MCPH1: variants seen among roughly 807,000 people sequenced by gnomAD.
The protein encoded by MCPH1 is microcephalin.
A neutral mutation model predicts 84.5 loss-of-function variants in MCPH1; 104 were observed. That is an observed-to-expected ratio of 1.23 (90% CI 1.05 to 1.45). The LOEUF is 1.45. Ranked by LOEUF, MCPH1 falls within the 40% of genes most tolerant of loss-of-function variation. MCPH1 has a pLI of 0.00. For synonymous variants in MCPH1, 514 were observed against 366.8 expected (o/e 1.40, Z -4.58); for missense variants, 1,498 against 1,005.7 (o/e 1.49, Z -6.62).
At chr8:6,420,502 T>A (rs184454338) in intron 3 of MCPH1, among the ~76,000 whole-genome samples, 1 of 152,340 alleles carries the variant, frequency 6.6e-6, no homozygotes. Flanking sequence ...GTCTTTTATT[T>A]AAGTTTCTTT....
At chr8:6,630,781 T>TAAA (rs1235237864) in intron 13 of MCPH1, among the ~76,000 whole-genome samples, 3 of 58,318 alleles carry the variant, frequency 5.1e-5, no homozygotes, top group African/African-American at 2.0e-4. Flanking sequence ...AACTCTGTCC[T>TAAA]AAAAAAAAAA....
intron 12 of MCPH1, among the ~76,000 whole-genome samples, chr8:6,603,913 T>C (rs1428743908): frequency 6.6e-6 from 1 of 152,144 alleles, no homozygotes; most frequent in Non-Finnish European, 1.5e-5. Flanking sequence ...GATTTGCAAG[T>C]CAGTTTCAAA....
At chr8:6,524,819 G>A (rs1407069856) in intron 12 of MCPH1, among the ~76,000 whole-genome samples, 1 of 152,188 alleles carries the variant, frequency 6.6e-6, no homozygotes, top group Non-Finnish European at 1.5e-5. Flanking sequence ...TGAAGATCAT[G>A]GTTTCACTGA....
chr8:6,591,218 C>T (rs1376063452), intron 12 of MCPH1, among the ~76,000 whole-genome samples: 1 of 152,256 alleles, frequency 6.6e-6, no homozygotes, highest in Non-Finnish European at 1.5e-5. Flanking sequence ...CTTCCTATCG[C>T]ATTTTGACAC....
At chr8:6,546,822 T>G (rs1822663806) in intron 12 of MCPH1, among the ~76,000 whole-genome samples, 1 of 152,212 alleles carries the variant, frequency 6.6e-6, no homozygotes, top group Non-Finnish European at 1.5e-5. Context: ...ATCTCTATGA[T>G]TTGATATGTT....
intron 12 of MCPH1, among the ~76,000 whole-genome samples, chr8:6,504,901 G>A (rs968696716): frequency 1.2e-4 from 18 of 151,844 alleles, no homozygotes; most frequent in Non-Finnish European, 2.2e-4. Flanking sequence ...TTTCCCCTAA[G>A]GATAAGGGAG....
chr8:6,549,865 T>C (rs757661434), intron 12 of MCPH1, among the ~76,000 whole-genome samples: 30 of 152,306 alleles, frequency 2.0e-4, no homozygotes, highest in Non-Finnish European at 3.8e-4. Context: ...TTATTCTGTG[T>C]AAGTTATATC....
intron 11 of MCPH1, among the ~76,000 whole-genome samples, chr8:6,485,595 C>CT (rs201393340): frequency 0.015 from 2,172 of 148,404 alleles, 56 homozygotes; most frequent in African/African-American, 0.051. Flanking sequence ...TCTGTGCTAC[C>CT]TTTTTTTCCC....
At chr8:6,518,446 T>A (rs1586301674) in intron 12 of MCPH1, among the ~76,000 whole-genome samples, 1 of 152,210 alleles carries the variant, frequency 6.6e-6, no homozygotes, top group Non-Finnish European at 1.5e-5. Context: ...GTTAGGGACA[T>A]TAACTAATTT....
At chr8:6,491,175 C>CA in intron 11 of MCPH1, among the ~76,000 whole-genome samples, 1 of 151,428 alleles carries the variant, frequency 6.6e-6, no homozygotes, top group Non-Finnish European at 1.5e-5. Context: ...TCTCTCCTAG[C>CA]AAATAAACTT....
chr8:6,521,148 C>A (rs200653775), intron 12 of MCPH1: 4 of 1,584,572 alleles, frequency 2.5e-6, no homozygotes, highest in South Asian at 1.1e-5. Context: ...AGGTTATTAA[C>A]GCTGAAGAAA....
At chr8:6,515,275 C>G (rs938348171) in intron 12 of MCPH1, among the ~76,000 whole-genome samples, 3 of 152,098 alleles carry the variant, frequency 2.0e-5, no homozygotes, top group Admixed American at 6.5e-5. Flanking sequence ...TTGGAGGACT[C>G]CTGTTACATT....
At chr8:6,448,382 G>T (rs1371610906) in intron 8 of MCPH1, among the ~76,000 whole-genome samples, 1 of 152,212 alleles carries the variant, frequency 6.6e-6, no homozygotes, top group Non-Finnish European at 1.5e-5. Context: ...TTCCTGAGCT[G>T]CAGGAAGGAG....
At chr8:6,486,818 C>G (rs954078361) in intron 11 of MCPH1, among the ~76,000 whole-genome samples, 6 of 152,194 alleles carry the variant, frequency 3.9e-5, no homozygotes, top group Non-Finnish European at 7.3e-5. Flanking sequence ...CAAAGTGTCC[C>G]TTTAGACTCA....
intron 12 of MCPH1, among the ~76,000 whole-genome samples, chr8:6,506,816 A>T (rs1318432320): frequency 2.0e-5 from 3 of 151,570 alleles, no homozygotes; most frequent in African/African-American, 7.3e-5. Context: ...TTCTTTCAGC[A>T]TAAAAGGCAT....
intron 2 of MCPH1, among the ~76,000 whole-genome samples, chr8:6,409,867 C>T (rs951980804): frequency 6.6e-6 from 1 of 151,718 alleles, no homozygotes; most frequent in Non-Finnish European, 1.5e-5. Context: ...GACAGAGGAG[C>T]GTTGTTCAGT....
intron 11 of MCPH1, among the ~76,000 whole-genome samples, chr8:6,498,237 T>G (rs755832840): frequency 3.9e-5 from 6 of 152,250 alleles, no homozygotes; most frequent in Non-Finnish European, 7.3e-5. Flanking sequence ...ATAAGAAATA[T>G]GTTGGGCCAA....
intron 13 of MCPH1, among the ~76,000 whole-genome samples, chr8:6,623,428 C>T (rs953134603): frequency 6.6e-6 from 1 of 151,872 alleles, no homozygotes; most frequent in Non-Finnish European, 1.5e-5. Flanking sequence ...GTTTCCTATT[C>T]AGTCTCCTTT....
At chr8:6,562,965 C>G in intron 12 of MCPH1, 2 of 1,553,538 alleles carry the variant, frequency 1.3e-6, no homozygotes, top group Non-Finnish European at 1.8e-6. Flanking sequence ...AGCAGCTTAG[C>G]AAACTTGAGG....
Sources: gnomAD v4.1 joint callset for allele counts (sites outside exome capture counted in the v4.1 genomes callset) on GRCh38, gnomAD v4.1.1 for gene constraint, MANE v1.5 for transcripts, NCBI Gene and HGNC (gene_info 2026-07-23, HGNC 2026-07-21) for gene names.